Variants in FRAS1 observed in about 807,000 individuals in gnomAD.
FRAS1 encodes the protein Fraser extracellular matrix complex subunit 1.
In FRAS1, 290 loss-of-function variants were observed where a neutral mutation model predicts 435.2. The observed-to-expected ratio is 0.67, with a 90% CI of 0.61 to 0.73. The LOEUF (loss-of-function observed/expected upper bound fraction) is 0.73. Ranked by LOEUF, FRAS1 falls within the 30% of genes least tolerant of loss-of-function variation. The pLI is 0.00. For missense variants in FRAS1, 4,860 were observed against 5,001.5 expected (o/e 0.97, Z 0.85); for synonymous variants, 1,800 against 1,851.0 (o/e 0.97, Z 0.71).
intron 2 of FRAS1, among the ~76,000 whole-genome samples, chr4:78,135,044 TATC>T (rs1719864151): frequency 2.0e-5 from 3 of 152,224 alleles, no homozygotes; most frequent in Non-Finnish European, 4.4e-5. Flanking sequence ...GAAATTGTTA[TATC>T]ATCAGCAATG....
intron 60 of FRAS1, among the ~76,000 whole-genome samples, chr4:78,499,043 C>T (rs1720596807): frequency 6.6e-6 from 1 of 152,052 alleles, no homozygotes; most frequent in Non-Finnish European, 1.5e-5. Flanking sequence ...GATGAGGTCT[C>T]ACTATGTTGC....
At chr4:78,088,638 C>CA (rs1486010214) in intron 2 of FRAS1, among the ~76,000 whole-genome samples, 24 of 152,254 alleles carry the variant, frequency 1.6e-4, no homozygotes, top group African/African-American at 5.3e-4. Context: ...AGACACTTCT[C>CA]AAAAGAAGAC....
In FRAS1 at chr4:78,363,573, T is replaced by A; in HGVS notation, c.2483T>A (p.Leu828His). The A allele has an allele frequency of 1.9e-6, 3 of 1,612,894 alleles. No individual in the cohort carries two copies. Among genetic ancestry groups the A allele is most frequent in the Non-Finnish European group, 2.5e-6 (3 of 1,179,458 alleles). The change falls in exon 21 of 74, where the codon CTC becomes CAC. Residue 828 changes from leucine to histidine, a missense_variant. Coordinates refer to ENST00000512123, the MANE Select transcript of FRAS1 (RefSeq NM_025074.7). ...ADLHNTGSIC[L>H]RCQNAHYLLL... is the part of the protein sequence containing the mutation. ...CTCCACAACACTGGGAGCATCTGCC[T>A]CAGGTGCCAGAATGCCCACTACCTG...
intron 50 of FRAS1, 92 bp from the exon 51 acceptor site, chr4:78,469,886 A>C (rs1382304485): frequency 3.4e-6 from 3 of 892,506 alleles, no homozygotes; most frequent in Non-Finnish European, 3.7e-6. Flanking sequence ...AAGTGTTAGC[A>C]GACTTCAGAG....
chr4:78,399,292 G>A (rs78829488), intron 29 of FRAS1, among the ~76,000 whole-genome samples: 6,645 of 152,202 alleles, frequency 0.044, 498 homozygotes, highest in African/African-American at 0.15. Flanking sequence ...AGGGCCAAGT[G>A]AGCAAAAGAA....
Position 78,198,116 on chromosome 4 carries a change from A to G in FRAS1, c.109-39394A>G, listed in dbSNP as rs771301459. ...GGCCAGACTCTCTGACCGAGCCCCCATCTTAACCACAAGGCGGCCTCTTTT... is the reference window on the plus strand; with the variant it reads ...GGCCAGACTCTCTGACCGAGCCCCCGTCTTAACCACAAGGCGGCCTCTTTT... On this transcript the variant is annotated intron_variant, in intron 2 of 73. Coordinates refer to ENST00000512123, the MANE Select transcript of FRAS1 (RefSeq NM_025074.7). Among the ~76,000 whole-genome samples, 7 of 152,270 alleles carry G rather than the reference A, an allele frequency of 4.6e-5. No homozygotes were observed. In the East Asian group the frequency reaches 7.7e-4, roughly 17 times the overall value.
At chr4:78,159,280 G>A (rs1259758664) in intron 2 of FRAS1, among the ~76,000 whole-genome samples, 2 of 152,176 alleles carry the variant, frequency 1.3e-5, no homozygotes, top group East Asian at 3.9e-4. Flanking sequence ...GATGGGCATG[G>A]AAAATATAGA....
chr4:78,108,765 G>A (rs975048338), intron 2 of FRAS1, among the ~76,000 whole-genome samples: 1 of 101,764 alleles, frequency 9.8e-6, no homozygotes, highest in Non-Finnish European at 2.0e-5. Flanking sequence ...AGAACTGAAG[G>A]AAATAGAGAC....
chr4:78,530,883 G>A (rs4453958), intron 70 of FRAS1, among the ~76,000 whole-genome samples: 56,216 of 151,990 alleles, frequency 0.37, 10,615 homozygotes, highest in South Asian at 0.54. Context: ...AAGAAAGTCC[G>A]TTTGTAGCTT....
At chr4:78,339,937 A>G (rs892703134) in intron 20 of FRAS1, among the ~76,000 whole-genome samples, 2 of 152,314 alleles carry the variant, frequency 1.3e-5, no homozygotes, top group East Asian at 3.9e-4. Flanking sequence ...TAGGACCTGA[A>G]TTATATCCTT....
At chr4:78,330,713 T>C (rs1438842494) in intron 18 of FRAS1, among the ~76,000 whole-genome samples, 1 of 152,168 alleles carries the variant, frequency 6.6e-6, no homozygotes, top group East Asian at 1.9e-4. Context: ...ACCTAATAAA[T>C]TTTGGTCAGA....
intron 59 of FRAS1, among the ~76,000 whole-genome samples, chr4:78,496,534 C>T (rs957786064): frequency 6.6e-6 from 1 of 152,100 alleles, no homozygotes; most frequent in African/African-American, 2.4e-5. Context: ...TTAGTGGGTT[C>T]TTTGTTTTGT....
intron 26 of FRAS1, among the ~76,000 whole-genome samples, chr4:78,378,329 A>G (rs1377720251): frequency 2.6e-5 from 4 of 152,180 alleles, no homozygotes; most frequent in African/African-American, 9.7e-5. Context: ...TTAAACAATG[A>G]ATGGACTTTT....
Position 78,511,339 on chromosome 4 carries a change from G to C in FRAS1, c.9846G>C (p.Lys3282Asn). 6.2e-7 allele frequency: 1 copy of C among 1,613,626 alleles called. No homozygotes were observed. The highest frequency in any genetic ancestry group is 8.5e-7 in the Non-Finnish European group (1 of 1,179,616). ...GTTGTGTGGCCAAGGCTGTGGACAAGGTGGGCCATGTGGGGACCCCCTTAA... is the reference window on the plus strand; with the variant it reads ...GTTGTGTGGCCAAGGCTGTGGACAACGTGGGCCATGTGGGGACCCCCTTAA... Reference protein sequence around the residue: ...HVRCVAKAVDKVGHVGTPLRS... With the variant: ...HVRCVAKAVDNVGHVGTPLRS... Residue 3282 changes from lysine (K) to asparagine (N), a missense_variant, in exon 64 of 74, where the codon AAG becomes AAC. Coordinates refer to ENST00000512123, the MANE Select transcript of FRAS1 (RefSeq NM_025074.7).
chr4:78,191,084 A>C (rs919321403), intron 2 of FRAS1, among the ~76,000 whole-genome samples: 1 of 152,150 alleles, frequency 6.6e-6, no homozygotes, highest in Non-Finnish European at 1.5e-5. Context: ...CTCACCAGAA[A>C]ATGAATTGGC....
At chr4:78,227,455 G>T (rs1252545318) in intron 2 of FRAS1, among the ~76,000 whole-genome samples, 2 of 152,190 alleles carry the variant, frequency 1.3e-5, no homozygotes. Context: ...AACATCATGA[G>T]GCTGAGTCAC....
chr4:78,154,084 C>G lies in FRAS1; in HGVS notation c.109-83426C>G, dbSNP rs112094257. Among the ~76,000 whole-genome samples, 77 of 152,190 alleles carry G rather than the reference C, an allele frequency of 5.1e-4. 3 individuals carry two copies. Among genetic ancestry groups the G allele is most frequent in the African/African-American group, 1.8e-3 (74 of 41,550 alleles). On this transcript the variant is annotated intron_variant, in intron 2 of 73. Transcript: ENST00000512123. ...TATTCGGTATGATTTGCTATCTTTA[C>G]AGCCACTTGTAATTTATAGTTTTTT... is the stretch of plus-strand genomic sequence containing the variant.
intron 64 of FRAS1, 126 bp downstream of exon 64, chr4:78,511,632 G>C: frequency 1.3e-6 from 1 of 797,442 alleles, no homozygotes; most frequent in Non-Finnish European, 2.1e-6. Flanking sequence ...GAATGCATCA[G>C]TAAAAGTTTA....
At chr4:78,120,207 T>C (rs1426681152) in intron 2 of FRAS1, among the ~76,000 whole-genome samples, 1 of 152,192 alleles carries the variant, frequency 6.6e-6, no homozygotes, top group Non-Finnish European at 1.5e-5. Context: ...TTTAAACAAA[T>C]AGTTTTCCCT....
Sources: gnomAD v4.1 joint callset for allele counts (sites outside exome capture counted in the v4.1 genomes callset) on GRCh38, gnomAD v4.1.1 for gene constraint, MANE v1.5 for transcripts, NCBI Gene and HGNC (gene_info 2026-07-23, HGNC 2026-07-21) for gene names.